SND1: variants seen among roughly 807,000 people sequenced by gnomAD.
SND1 encodes the protein staphylococcal nuclease domain-containing protein 1.
In SND1, 38 loss-of-function variants were observed where a neutral mutation model predicts 121.7. The ratio of observed to expected loss-of-function variants is 0.31; its 90% CI spans 0.24 to 0.41. The LOEUF (loss-of-function observed/expected upper bound fraction) is 0.41. SND1 is among the 10% of genes least tolerant of loss of function. The pLI, the probability that SND1 is intolerant of heterozygous loss-of-function variation, is 1.00. For missense variants in SND1, 868 were observed against 1,184.6 expected (o/e 0.73, Z 3.92); for synonymous variants, 401 against 447.4 (o/e 0.90, Z 1.31).
intron 9 of SND1, among the ~76,000 whole-genome samples, chr7:127,713,081 G>A (rs1201083631): frequency 6.6e-6 from 1 of 152,232 alleles, no homozygotes; most frequent in Non-Finnish European, 1.5e-5. Flanking sequence ...GGATTGGACA[G>A]CTTTTTCTTA....
At chr7:128,028,547 CTG>C (rs1803547555) in intron 16 of SND1, 5 of 780,036 alleles carry the variant, frequency 6.4e-6, no homozygotes, top group Admixed American at 6.5e-5. Context: ...TTAATATAAT[CTG>C]TTTTTTTTAA....
intron 10 of SND1, among the ~76,000 whole-genome samples, chr7:127,771,866 T>C (rs538638756): frequency 6.6e-6 from 1 of 152,322 alleles, no homozygotes; most frequent in African/African-American, 2.4e-5. Context: ...GTCTGCTTGG[T>C]AAATTGCCCA....
At chr7:127,702,373 G>A in intron 5 of SND1, 62 bp from the exon 6 acceptor site, 5 of 1,454,292 alleles carry the variant, frequency 3.4e-6, no homozygotes, top group Non-Finnish European at 3.9e-6. Flanking sequence ...AGTTTGATTG[G>A]GCAGTGTTTA....
intron 12 of SND1, among the ~76,000 whole-genome samples, chr7:127,875,768 T>C (rs1341005125): frequency 3.3e-5 from 5 of 152,164 alleles, no homozygotes; most frequent in Admixed American, 1.3e-4. Context: ...AGATGTTCAT[T>C]ATGTCTGAAA....
chr7:127,820,132 T>G (rs1439089229), intron 11 of SND1, among the ~76,000 whole-genome samples: 1 of 152,136 alleles, frequency 6.6e-6, no homozygotes, highest in Non-Finnish European at 1.5e-5. Flanking sequence ...GTTTAAGTGG[T>G]TAGGCTGGGG....
chr7:127,765,076 C>T (rs1797387891), intron 10 of SND1, among the ~76,000 whole-genome samples: 1 of 152,062 alleles, frequency 6.6e-6, no homozygotes, highest in African/African-American at 2.4e-5. Context: ...ATGAGAAGAC[C>T]ATCAGAATCA....
intron 10 of SND1, among the ~76,000 whole-genome samples, chr7:127,748,878 C>G (rs1797026942): frequency 6.6e-6 from 1 of 152,160 alleles, no homozygotes; most frequent in East Asian, 1.9e-4. Flanking sequence ...GCCTCCAAAC[C>G]TTGAGTATAG....
chr7:128,024,092 G>A (rs1040809323), intron 16 of SND1, among the ~76,000 whole-genome samples: 5 of 151,404 alleles, frequency 3.3e-5, no homozygotes, highest in African/African-American at 1.2e-4. Flanking sequence ...GTATTTCACT[G>A]ATCTAGTTGC....
chr7:127,809,979 G>A (rs1798304084), intron 11 of SND1, among the ~76,000 whole-genome samples: 1 of 152,128 alleles, frequency 6.6e-6, no homozygotes, highest in South Asian at 2.1e-4. Context: ...TCATGAAGTT[G>A]AGTTATGAGA....
intron 10 of SND1, among the ~76,000 whole-genome samples, chr7:127,766,839 A>C (rs113985190): frequency 6.8e-6 from 1 of 146,298 alleles, no homozygotes; most frequent in Non-Finnish European, 1.5e-5. Context: ...CAGAATTGCT[A>C]TTGCCAAAAT....
intron 11 of SND1, among the ~76,000 whole-genome samples, chr7:127,831,975 C>T (rs1798749729): frequency 1.3e-5 from 2 of 152,218 alleles, no homozygotes; most frequent in Admixed American, 6.5e-5. Flanking sequence ...GTTTCCCTCA[C>T]TTTTGTTCCC....
intron 13 of SND1, among the ~76,000 whole-genome samples, chr7:127,895,226 T>C (rs1225761116): frequency 1.3e-5 from 2 of 152,122 alleles, no homozygotes; most frequent in African/African-American, 4.8e-5. Context: ...GAAAATTCTT[T>C]TTGAATAAAA....
intron 5 of SND1, 81 bp from the exon 6 acceptor site, chr7:127,702,354 G>C: frequency 2.3e-6 from 3 of 1,279,056 alleles, no homozygotes; most frequent in Non-Finnish European, 3.4e-6. Context: ...AGGAAACTGT[G>C]TTAAGTGCAG....
chr7:127,953,904 A>G lies in SND1; in HGVS notation c.1669+24575A>G, dbSNP rs1801528999. 3.9e-5 allele frequency among the ~76,000 whole-genome samples: 6 copies of G among 152,382 alleles called. No homozygotes were observed. In the South Asian group the frequency reaches 1.0e-3, roughly 26 times the overall value. ...GAGAAAAGGAAGGAAATGAAATTTCAGCATTCAGTGTAGCTACTTATTTTT... is the reference window on the plus strand; with the variant it reads ...GAGAAAAGGAAGGAAATGAAATTTCGGCATTCAGTGTAGCTACTTATTTTT... On this transcript the variant is annotated intron_variant, in intron 15 of 23. Transcript: ENST00000354725.
At chr7:127,722,891 A>G (rs1430170778) in intron 10 of SND1, among the ~76,000 whole-genome samples, 1 of 152,216 alleles carries the variant, frequency 6.6e-6, no homozygotes, top group Non-Finnish European at 1.5e-5. Context: ...ATGAAAGCCT[A>G]GAAATGCCAA....
intron 10 of SND1, among the ~76,000 whole-genome samples, chr7:127,743,415 A>G (rs1412100914): frequency 6.6e-6 from 1 of 152,160 alleles, no homozygotes; most frequent in Non-Finnish European, 1.5e-5. Context: ...GCAAACATTT[A>G]CTGTCACTGC....
At position 127,833,260 on chromosome 7, in the gene SND1, C is replaced by CTTTT. The variant is rs35890438; in HGVS notation, c.1243-11047_1243-11044dup. ...TTTCTTGGGAATGTGATTGAACTGT[C>CTTTT]TTTTTTTTTTTTTTTTTTTTAATGA... On this transcript the variant is annotated intron_variant, in intron 11 of 23. Coordinates refer to ENST00000354725, the MANE Select transcript of SND1 (RefSeq NM_014390.4). Among the ~76,000 whole-genome samples the CTTTT allele has an allele frequency of 6.2e-5, 6 of 97,272 alleles. 1 individual carries two copies. The highest frequency in any genetic ancestry group is 1.2e-4 in the African/African-American group (3 of 24,894). 63.8% of individuals were successfully genotyped at this position (97,272 alleles called of 152,430 possible). A position where few individuals can be genotyped will look rare whatever the true frequency, so the allele number is the denominator to read the frequency against.
At chr7:128,050,928 G>A (rs1430365385) in intron 16 of SND1, among the ~76,000 whole-genome samples, 1 of 152,254 alleles carries the variant, frequency 6.6e-6, no homozygotes, top group East Asian at 1.9e-4. Flanking sequence ...GCTCTTTTCT[G>A]TGTCGTCTCC....
intron 1 of SND1, among the ~76,000 whole-genome samples, chr7:127,676,764 G>A (rs747619320): frequency 3.9e-5 from 6 of 152,034 alleles, no homozygotes; most frequent in Non-Finnish European, 8.8e-5. Flanking sequence ...TTTTTGATAC[G>A]CAGTTTCACT....
Sources: allele counts gnomAD v4.1 joint callset (sites outside exome capture counted in the v4.1 genomes callset), GRCh38; gene constraint gnomAD v4.1.1; transcripts MANE v1.5; gene names NCBI Gene and HGNC (gene_info 2026-07-23, HGNC 2026-07-21).